Variants in GRB2 observed in about 807,000 individuals in gnomAD.
GRB2 encodes the protein growth factor receptor bound protein 2.
Under a neutral mutation model 27.4 loss-of-function variants are expected in GRB2, and 2 were observed. That is an observed-to-expected ratio of 0.07 (90% CI 0.03 to 0.23). GRB2 has a LOEUF of 0.23. GRB2 is among the 10% of genes least tolerant of loss of function. GRB2 has a pLI of 1.00. For missense variants in GRB2, 102 were observed against 282.4 expected (o/e 0.36, Z 4.58); for synonymous variants, 94 against 99.6 (o/e 0.94, Z 0.33).
In GRB2 at chr17:75,320,616, G is replaced by A; in HGVS notation, c.469-63C>T. 1.5e-6 allele frequency: 2 copies of A among 1,291,794 alleles called. No individual in the cohort carries two copies. Among genetic ancestry groups the A allele is most frequent in the South Asian group, 1.2e-5 (1 of 82,504 alleles). The allele number at this position is 1,291,794 out of a possible 1,614,324, so 80.0% of individuals were successfully genotyped here. On this transcript the variant is annotated intron_variant, in intron 5 of 5. Coordinates refer to ENST00000316804, the MANE Select transcript of GRB2 (RefSeq NM_002086.5). This position sits in a 1 kb window ranked among gnomAD's most constrained non-coding sequence, Gnocchi z 4.3. ...CTGGTCTGTGACTGGCCACCTCCGA[G>A]GCCAGATGGGTTCCAGGGGGAAACG...
intron 2 of GRB2, among the ~76,000 whole-genome samples, chr17:75,377,065 C>T (rs1372458924): frequency 1.3e-5 from 2 of 151,118 alleles, no homozygotes; most frequent in East Asian, 2.0e-4. Flanking sequence ...ATCTATAATC[C>T]GAGCTACTTG....
intron 2 of GRB2, chr17:75,338,960 A>G (rs1030943342): frequency 1.6e-4 from 183 of 1,163,554 alleles, no homozygotes; most frequent in Non-Finnish European, 2.1e-4. Flanking sequence ...GACAGGAAGC[A>G]GAGTGGCTAT....
chr17:75,336,550 C>G (rs2078578368), intron 2 of GRB2, among the ~76,000 whole-genome samples: 1 of 152,026 alleles, frequency 6.6e-6, no homozygotes, highest in Admixed American at 6.6e-5. Context: ...TCACCTTTAC[C>G]AAGACAGAGG....
intron 4 of GRB2, among the ~76,000 whole-genome samples, chr17:75,322,842 G>A (rs1477144180): frequency 6.6e-6 from 1 of 152,078 alleles, no homozygotes; most frequent in African/African-American, 2.4e-5. Flanking sequence ...ATTCTCGGCC[G>A]GATGCGGTGG....
intron 2 of GRB2, chr17:75,373,214 TC>T (rs1456952560): frequency 6.6e-6 from 1 of 152,140 alleles, no homozygotes; most frequent in African/African-American, 2.4e-5. Context: ...GCCACTGCAC[TC>T]CAGCCTGGGA....
chr17:75,335,304 G>A (rs2078569523), intron 2 of GRB2, among the ~76,000 whole-genome samples: 1 of 151,750 alleles, frequency 6.6e-6, no homozygotes. Flanking sequence ...GGTGGGCCCA[G>A]GAAAATGTTG....
At chr17:75,365,855 C>T (rs1020868052) in intron 2 of GRB2, among the ~76,000 whole-genome samples, 1 of 152,132 alleles carries the variant, frequency 6.6e-6, no homozygotes, top group African/African-American at 2.4e-5. Flanking sequence ...GCATGCCCAA[C>T]CCAACCCATC....
At chr17:75,331,466 T>C (rs569385566) in intron 3 of GRB2, among the ~76,000 whole-genome samples, 13 of 152,334 alleles carry the variant, frequency 8.5e-5, no homozygotes, top group African/African-American at 3.1e-4. Flanking sequence ...TAAATGCCTG[T>C]GTCACCCGAA....
chr17:75,371,828 A>G (rs2145855497), intron 2 of GRB2: 1 of 152,106 alleles, frequency 6.6e-6, no homozygotes, highest in South Asian at 2.1e-4. Context: ...AAGTAAGATC[A>G]CCCAACCCAT....
rs557739023 is a variant in GRB2, at chr17:75,375,766, C to T, written c.78+17785G>A. 6.8e-4 allele frequency among the ~76,000 whole-genome samples: 104 copies of T among 152,252 alleles called. 2 individuals are homozygous for T. The highest frequency in any genetic ancestry group is 3.4e-3 in the Middle Eastern group (1 of 294). ...ACTGGCCGGGCGCAGTGGCTCAAGC[C>T]TGTAATCCCAACACTTTGGGAGGCA... is the stretch of plus-strand genomic sequence containing the variant. On this transcript the variant is annotated intron_variant, in intron 2 of 5. Coordinates refer to ENST00000316804, the MANE Select transcript of GRB2 (RefSeq NM_002086.5).
At chr17:75,379,412 AAAG>A (rs934655775) in intron 2 of GRB2, among the ~76,000 whole-genome samples, 39 of 30,258 alleles carry the variant, frequency 1.3e-3, no homozygotes, top group Non-Finnish European at 2.7e-3. Context: ...AAAAAAAAAA[AAAG>A]AAAGACAGGG....
At chr17:75,388,028 T>C (rs113520726) in intron 2 of GRB2, among the ~76,000 whole-genome samples, 19 of 152,226 alleles carry the variant, frequency 1.2e-4, no homozygotes, top group African/African-American at 3.9e-4. Context: ...GCTGACAAAA[T>C]GAATATAATA....
chr17:75,348,657 T>A (rs1239581693), intron 2 of GRB2, among the ~76,000 whole-genome samples: 1 of 152,132 alleles, frequency 6.6e-6, no homozygotes, highest in Non-Finnish European at 1.5e-5. Context: ...GACACAGAAT[T>A]CACCGCTACA....
intron 2 of GRB2, among the ~76,000 whole-genome samples, chr17:75,340,764 T>C (rs2078615379): frequency 6.7e-6 from 1 of 149,956 alleles, no homozygotes; most frequent in Non-Finnish European, 1.5e-5. Flanking sequence ...ACCACCTCCA[T>C]CTGTTACAGT....
intron 2 of GRB2, among the ~76,000 whole-genome samples, chr17:75,351,201 C>G (rs2078690141): frequency 6.6e-6 from 1 of 152,048 alleles, no homozygotes; most frequent in African/African-American, 2.4e-5. Context: ...CACTGAAAAA[C>G]CCACATGCAT....
chr17:75,403,922 T>C (rs1256389269), intron 1 of GRB2, among the ~76,000 whole-genome samples: 1 of 152,156 alleles, frequency 6.6e-6, no homozygotes, highest in Non-Finnish European at 1.5e-5. Context: ...AAGACCAACC[T>C]GGGCAACACA....
In GRB2 at chr17:75,320,156, C is replaced by A; in HGVS notation, c.*212G>T. 1 of 492,036 alleles carries A rather than the reference C, an allele frequency of 2.0e-6. No homozygotes were observed. The highest frequency in any genetic ancestry group is 3.7e-6 in the Non-Finnish European group (1 of 271,752). 30.5% of individuals were successfully genotyped at this position (492,036 alleles called of 1,614,324 possible). A position where few individuals can be genotyped will look rare whatever the true frequency, so the allele number is the denominator to read the frequency against. On this transcript the variant is annotated 3_prime_UTR_variant, in exon 6 of 6. Transcript: ENST00000316804. The surrounding 1 kb of genome is among the most constrained non-coding windows in gnomAD (Gnocchi z 4.3). ...CAGCAGTGAAAATTTGTAATAAAAA[C>A]TCTTCTTAATTTATAGGTAAGTTTT... is the stretch of plus-strand genomic sequence containing the variant.
chr17:75,357,970 T>A (rs2078744611), intron 2 of GRB2, among the ~76,000 whole-genome samples: 1 of 152,004 alleles, frequency 6.6e-6, no homozygotes, highest in East Asian at 1.9e-4. Flanking sequence ...TGGTGGCGCG[T>A]GCCTGTAGTC....
intron 2 of GRB2, chr17:75,371,068 G>T: frequency 6.6e-6 from 1 of 152,526 alleles, no homozygotes; most frequent in South Asian, 2.0e-4. Context: ...CCAGCACTTT[G>T]GGAGGCCAAG....
Sources: allele counts gnomAD v4.1 joint callset (sites outside exome capture counted in the v4.1 genomes callset), GRCh38; gene constraint gnomAD v4.1.1; non-coding constraint Gnocchi (gnomAD v3.1); transcripts MANE v1.5; gene names NCBI Gene and HGNC (gene_info 2026-07-23, HGNC 2026-07-21).